UCHL5: variants seen among roughly 807,000 people sequenced by gnomAD.
The protein encoded by UCHL5 is ubiquitin carboxyl-terminal hydrolase isozyme L5.
In UCHL5, 34 loss-of-function variants were observed where a neutral mutation model predicts 53.8. The observed-to-expected ratio is 0.63, with a 90% CI of 0.48 to 0.84. The LOEUF (loss-of-function observed/expected upper bound fraction) is 0.84. UCHL5 is among the 40% of genes least tolerant of loss of function. The pLI, the probability that UCHL5 is intolerant of heterozygous loss-of-function variation, is 0.00. For missense variants in UCHL5, 290 were observed against 385.6 expected (o/e 0.75, Z 2.08); for synonymous variants, 111 against 126.3 (o/e 0.88, Z 0.81).
chr1:193,026,593 A>T (rs949089618), intron 7 of UCHL5, among the ~76,000 whole-genome samples: 1 of 152,218 alleles, frequency 6.6e-6, no homozygotes, highest in Non-Finnish European at 1.5e-5. Flanking sequence ...TGGTGGTAAC[A>T]CCAAATGCTA....
chr1:193,055,387 A>G (rs949246659), intron 1 of UCHL5, among the ~76,000 whole-genome samples: 3 of 152,190 alleles, frequency 2.0e-5, no homozygotes, highest in Admixed American at 1.3e-4. Context: ...ATACAGCCTC[A>G]CTACTTGTGC....
intron 3 of UCHL5, among the ~76,000 whole-genome samples, chr1:193,044,116 G>T (rs1263657683): frequency 3.9e-5 from 6 of 152,174 alleles, no homozygotes; most frequent in Non-Finnish European, 7.3e-5. Flanking sequence ...AGTGAGGGTA[G>T]TTTTGTGGAC....
intron 3 of UCHL5, among the ~76,000 whole-genome samples, chr1:193,046,707 AT>A (rs1469170538): frequency 1.4e-5 from 2 of 147,780 alleles, no homozygotes; most frequent in African/African-American, 4.9e-5. Context: ...TAAATTTATA[AT>A]TTTTGTATAT....
intron 1 of UCHL5, among the ~76,000 whole-genome samples, chr1:193,057,655 C>T (rs1671057254): frequency 6.6e-6 from 1 of 152,188 alleles, no homozygotes; most frequent in Admixed American, 6.5e-5. Context: ...TCAAACTATA[C>T]AACATGGCAT....
intron 9 of UCHL5, 48 bp downstream of exon 9, chr1:193,022,878 T>C: frequency 7.6e-7 from 1 of 1,310,020 alleles, no homozygotes; most frequent in Non-Finnish European, 1.1e-6. Flanking sequence ...TCTTGAAATA[T>C]ACTGCTCTAT....
chr1:193,056,697 C>G (rs1421190937), intron 1 of UCHL5, among the ~76,000 whole-genome samples: 1 of 152,154 alleles, frequency 6.6e-6, no homozygotes, highest in Non-Finnish European at 1.5e-5. Flanking sequence ...AATGATGGAA[C>G]TTTTGAAATG....
chr1:193,056,300 C>CA (rs1395489960), intron 1 of UCHL5, among the ~76,000 whole-genome samples: 1 of 151,942 alleles, frequency 6.6e-6, no homozygotes, highest in Non-Finnish European at 1.5e-5. Flanking sequence ...TGATCTTCCC[C>CA]AAAAAACAGC....
At chr1:193,032,649 GA>G (rs1215951528) in intron 3 of UCHL5, among the ~76,000 whole-genome samples, 1 of 152,226 alleles carries the variant, frequency 6.6e-6, no homozygotes, top group East Asian at 1.9e-4. Context: ...CTAATACACA[GA>G]ATATACAAGG....
chr1:193,023,727 G>A, intron 8 of UCHL5, 117 bp downstream of exon 8: 1 of 744,180 alleles, frequency 1.3e-6, no homozygotes, highest in Non-Finnish European at 2.2e-6. Context: ...CCTGAATCCA[G>A]TGTGTATTCG....
chr1:193,058,555 T>G (rs1370182510), intron 1 of UCHL5, among the ~76,000 whole-genome samples: 2 of 152,244 alleles, frequency 1.3e-5, no homozygotes, highest in Non-Finnish European at 2.9e-5. Flanking sequence ...TGGCCTCTAG[T>G]CTAGAACACT....
intron 3 of UCHL5, among the ~76,000 whole-genome samples, chr1:193,032,053 G>A (rs1661637531): frequency 6.6e-6 from 1 of 152,118 alleles, no homozygotes; most frequent in South Asian, 2.1e-4. Context: ...ATAGTCTTTA[G>A]TTTATCAGGG....
At chr1:193,038,386 C>T (rs535488057) in intron 3 of UCHL5, among the ~76,000 whole-genome samples, 2 of 147,038 alleles carry the variant, frequency 1.4e-5, no homozygotes, top group Admixed American at 1.4e-4. Context: ...AACCGGGAGG[C>T]GGAGCTTGCA....
intron 3 of UCHL5, among the ~76,000 whole-genome samples, chr1:193,039,119 G>A (rs1302625237): frequency 1.3e-5 from 2 of 152,156 alleles, no homozygotes; most frequent in African/African-American, 4.8e-5. Flanking sequence ...ATATAAAGTA[G>A]GCCAGGTGCA....
chr1:193,052,319 G>A (rs1669314229), intron 1 of UCHL5, among the ~76,000 whole-genome samples: 1 of 151,986 alleles, frequency 6.6e-6, no homozygotes, highest in Non-Finnish European at 1.5e-5. Flanking sequence ...ATCCTTCTAA[G>A]ACAGCAGTTC....
intron 3 of UCHL5, among the ~76,000 whole-genome samples, chr1:193,032,751 A>G (rs537079801): frequency 3.3e-5 from 5 of 152,268 alleles, no homozygotes; most frequent in Non-Finnish European, 5.9e-5. Flanking sequence ...GAAGACATTT[A>G]TGTGGCCAAC....
Position 193,014,340 on chromosome 1 carries a change from A to G in UCHL5, c.*2011T>C, listed in dbSNP as rs774865744. The G allele has an allele frequency of 1.2e-4, 19 of 152,118 alleles. No individual in the cohort carries two copies. Among genetic ancestry groups the G allele is most frequent in the Non-Finnish European group, 2.4e-4 (16 of 67,996 alleles). The allele number at this position is 152,118 out of a possible 1,614,324, so 9.4% of individuals were successfully genotyped here. On this transcript the variant is annotated 3_prime_UTR_variant, in exon 11 of 11. Coordinates refer to ENST00000367454, the MANE Select transcript of UCHL5 (RefSeq NM_001199261.3). ...CTCTTAAGCTATGGAAATTCCTATT[A>G]AGGAATTTTATTAGATTAATAAGAA...
chr1:193,047,246 G>T (rs1007105501), intron 3 of UCHL5, among the ~76,000 whole-genome samples: 1 of 152,000 alleles, frequency 6.6e-6, no homozygotes, highest in Non-Finnish European at 1.5e-5. Context: ...TAGCAAAGTA[G>T]GTGCTCAATG....
At chr1:193,017,525 G>A (rs1221247515) in intron 10 of UCHL5, among the ~76,000 whole-genome samples, 3 of 151,524 alleles carry the variant, frequency 2.0e-5, no homozygotes, top group African/African-American at 4.8e-5. Flanking sequence ...TTTGATATGT[G>A]TATCGCATCT....
In UCHL5 at chr1:193,013,038, G is replaced by T. The variant is rs1252352906; in HGVS notation, c.*3313C>A. ...AATTCATACTACTCTAAAAAACGCA[G>T]TATCATTCTAAAAATATAACTATCC... On this transcript the variant is annotated 3_prime_UTR_variant, in exon 11 of 11. Coordinates refer to ENST00000367454, the MANE Select transcript of UCHL5 (RefSeq NM_001199261.3). The T allele has an allele frequency of 6.6e-6, 1 of 152,120 alleles. No homozygotes were observed. Among genetic ancestry groups the T allele is most frequent in the Non-Finnish European group, 1.5e-5 (1 of 68,022 alleles). The allele number at this position is 152,120 out of a possible 1,614,324, so 9.4% of individuals were successfully genotyped here.
Sources: allele counts gnomAD v4.1 joint callset (sites outside exome capture counted in the v4.1 genomes callset), GRCh38; gene constraint gnomAD v4.1.1; transcripts MANE v1.5; gene names NCBI Gene and HGNC (gene_info 2026-07-23, HGNC 2026-07-21).